Variants in ADAMTS17 observed in about 807,000 individuals in gnomAD.
The protein encoded by ADAMTS17 is A disintegrin and metalloproteinase with thrombospondin motifs 17.
Under a neutral mutation model 141.5 loss-of-function variants are expected in ADAMTS17, and 113 were observed. The ratio of observed to expected loss-of-function variants is 0.80; its 90% confidence interval spans 0.69 to 0.93. The LOEUF (loss-of-function observed/expected upper bound fraction) is 0.93, where lower values mean the gene tolerates loss of function less well. Ranked by LOEUF, ADAMTS17 falls within the 40% of genes least tolerant of loss-of-function variation. The pLI is 0.00. For synonymous variants in ADAMTS17, 768 were observed against 630.6 expected, an observed-to-expected ratio of 1.22 and a Z score of -3.27; for missense variants, 1,659 against 1,517.9, an observed-to-expected ratio of 1.09 and a Z score of -1.54.
intron 8 of ADAMTS17, among the ~76,000 whole-genome samples, chr15:100,191,828 G>A (rs1029552798): frequency 6.6e-6 from 1 of 152,088 alleles, no homozygotes; most frequent in Admixed American, 6.5e-5. Context: ...ATGCTGAGTG[G>A]GGCAGAGCAA....
intron 18 of ADAMTS17, among the ~76,000 whole-genome samples, chr15:100,045,952 C>T (rs2031648969): frequency 6.6e-6 from 1 of 152,154 alleles, no homozygotes; most frequent in South Asian, 2.1e-4. Context: ...GTGATCTCAG[C>T]TCACTGCAAC....
chr15:100,069,198 G>C (rs1596339998), intron 15 of ADAMTS17, among the ~76,000 whole-genome samples: 1 of 152,160 alleles, frequency 6.6e-6, no homozygotes, highest in African/African-American at 2.4e-5. Context: ...AGAGAAAAAA[G>C]AATAAAAAGA....
intron 6 of ADAMTS17, among the ~76,000 whole-genome samples, chr15:100,257,960 C>A (rs762314729): frequency 1.3e-5 from 2 of 152,316 alleles, no homozygotes; most frequent in East Asian, 3.9e-4. Flanking sequence ...TTTATCTCTA[C>A]GAATCTGACT....
At chr15:100,015,897 A>C (rs1017679353) in intron 18 of ADAMTS17, among the ~76,000 whole-genome samples, 1 of 152,136 alleles carries the variant, frequency 6.6e-6, no homozygotes, top group African/African-American at 2.4e-5. Flanking sequence ...TGCTTCTTGT[A>C]TTTGGATGTC....
chr15:100,274,714 G>C (rs112899921), intron 4 of ADAMTS17, among the ~76,000 whole-genome samples: 25 of 152,056 alleles, frequency 1.6e-4, no homozygotes, highest in African/African-American at 6.0e-4. Flanking sequence ...TTTGTTATTT[G>C]TTTCCTATAT....
At chr15:100,038,373 TTTTAGCGACATGTCC>T in intron 18 of ADAMTS17, among the ~76,000 whole-genome samples, 1 of 152,220 alleles carries the variant, frequency 6.6e-6, no homozygotes, top group Admixed American at 6.5e-5. Context: ...TCCATATGAA[TTTTAGCGACATGTCC>T]CCATTTGTGG....
chr15:99,998,327 G>A (rs2060847054), intron 18 of ADAMTS17, among the ~76,000 whole-genome samples: 1 of 152,208 alleles, frequency 6.6e-6, no homozygotes. Flanking sequence ...GGCTCAGGCT[G>A]GGCGGTGGCT....
intron 15 of ADAMTS17, among the ~76,000 whole-genome samples, chr15:100,068,864 G>C (rs139545126): frequency 6.6e-6 from 1 of 152,216 alleles, no homozygotes; most frequent in African/African-American, 2.4e-5. Context: ...CCAAAGGAAC[G>C]CAGCTCCTCA....
intron 18 of ADAMTS17, among the ~76,000 whole-genome samples, chr15:100,001,993 C>CAAAAAA (rs2060934929): frequency 4.5e-5 from 1 of 22,390 alleles, no homozygotes; most frequent in Non-Finnish European, 9.6e-5. Context: ...AAGGCCAAAC[C>CAAAAAA]CAAAAAAAAA....
intron 3 of ADAMTS17, among the ~76,000 whole-genome samples, chr15:100,315,765 A>T (rs532597990): frequency 1.5e-4 from 23 of 152,366 alleles, no homozygotes; most frequent in Middle Eastern, 3.4e-3. Context: ...CTGAAAGCTT[A>T]AAAGTATACA....
chr15:100,007,800 C>T (rs1596214099), intron 18 of ADAMTS17, among the ~76,000 whole-genome samples: 1 of 151,850 alleles, frequency 6.6e-6, no homozygotes, highest in Non-Finnish European at 1.5e-5. Flanking sequence ...GGGGTGCGGT[C>T]AGGTTGGAGA....
intron 15 of ADAMTS17, among the ~76,000 whole-genome samples, chr15:100,069,580 G>A (rs1030268163): frequency 3.9e-5 from 6 of 152,096 alleles, no homozygotes; most frequent in African/African-American, 1.2e-4. Flanking sequence ...GAGAGTGGGG[G>A]CCAATATTCA....
At chr15:100,148,756 G>A (rs1299089317) in intron 10 of ADAMTS17, among the ~76,000 whole-genome samples, 1 of 151,916 alleles carries the variant, frequency 6.6e-6, no homozygotes, top group Non-Finnish European at 1.5e-5. Context: ...TGCACAGGTG[G>A]GCAGGGGAGG....
At chr15:99,984,999 G>A (rs906348122) in intron 20 of ADAMTS17, among the ~76,000 whole-genome samples, 2 of 152,220 alleles carry the variant, frequency 1.3e-5, no homozygotes, top group East Asian at 1.9e-4. Context: ...ATGGCCCTGC[G>A]GCCCGCCTCA....
chr15:100,192,289 T>C (rs1051396582), intron 8 of ADAMTS17, among the ~76,000 whole-genome samples: 15 of 152,270 alleles, frequency 9.9e-5, no homozygotes, highest in African/African-American at 2.9e-4. Context: ...CCTGAGGCCA[T>C]GATTGCTAAG....
At chr15:100,057,441 T>C (rs2141622399) in intron 15 of ADAMTS17, among the ~76,000 whole-genome samples, 1 of 152,200 alleles carries the variant, frequency 6.6e-6, no homozygotes, top group East Asian at 1.9e-4. Flanking sequence ...GCTGCTCTCC[T>C]CCTTGCTGGG....
intron 18 of ADAMTS17, among the ~76,000 whole-genome samples, chr15:100,022,982 T>C (rs1400291585): frequency 1.3e-5 from 2 of 152,160 alleles, no homozygotes. Context: ...CTGCTTCTTC[T>C]TGAATTTTCA....
chr15:100,145,147 A>G (rs28691884), intron 10 of ADAMTS17, among the ~76,000 whole-genome samples: 6,447 of 152,144 alleles, frequency 0.042, 289 homozygotes, highest in African/African-American at 0.11. Context: ...ACATCCCCCA[A>G]AACTGCTGCC....
At chr15:100,340,661 C>A (rs888724366) in intron 2 of ADAMTS17, among the ~76,000 whole-genome samples, 1 of 152,206 alleles carries the variant, frequency 6.6e-6, no homozygotes, top group Non-Finnish European at 1.5e-5. Flanking sequence ...GTGACATACA[C>A]TTTGACACGG....
Sources: gnomAD v4.1 joint callset for allele counts (sites outside exome capture counted in the v4.1 genomes callset) on GRCh38, gnomAD v4.1.1 for gene constraint, MANE v1.5 for transcripts, NCBI Gene and HGNC (gene_info 2026-07-23, HGNC 2026-07-21) for gene names.